PPP6R3: variants seen among roughly 807,000 people sequenced by gnomAD.
PPP6R3 encodes the protein serine/threonine-protein phosphatase 6 regulatory subunit 3.
Under a neutral mutation model 110.7 loss-of-function variants are expected in PPP6R3, and 38 were observed. That is an observed-to-expected ratio of 0.34 (90% CI 0.26 to 0.45). PPP6R3 has a LOEUF of 0.45. Ranked by LOEUF, PPP6R3 falls within the 20% of genes least tolerant of loss-of-function variation. The probability of loss-of-function intolerance (pLI) is 1.00; values close to 1 mark genes in which losing one functional copy is unlikely to be tolerated. For synonymous variants in PPP6R3, 369 were observed against 373.5 expected (o/e 0.99, Z 0.14); for missense variants, 870 against 1,062.4 (o/e 0.82, Z 2.52).
At chr11:68,573,851 A>G (rs1253684287) in intron 12 of PPP6R3, among the ~76,000 whole-genome samples, 1 of 152,146 alleles carries the variant, frequency 6.6e-6, no homozygotes, top group Admixed American at 6.5e-5. Flanking sequence ...ATGATTTTTG[A>G]GATTCGAATA....
chr11:68,494,408 C>CAAAAAA (rs35190764), intron 1 of PPP6R3, among the ~76,000 whole-genome samples: 1 of 60,382 alleles, frequency 1.7e-5, no homozygotes, highest in Non-Finnish European at 3.0e-5. Context: ...CCTGTAATCT[C>CAAAAAA]AAAAAAAAAA....
At chr11:68,601,425 A>C (rs941156205) in intron 20 of PPP6R3, among the ~76,000 whole-genome samples, 1 of 152,252 alleles carries the variant, frequency 6.6e-6, no homozygotes, top group Non-Finnish European at 1.5e-5. Context: ...TTCCAACAAC[A>C]AATATCATTA....
chr11:68,561,653 G>C (rs2099421788), intron 8 of PPP6R3, among the ~76,000 whole-genome samples: 1 of 152,172 alleles, frequency 6.6e-6, no homozygotes, highest in Non-Finnish European at 1.5e-5. Flanking sequence ...GATCACATCA[G>C]ATCAATGAAG....
intron 8 of PPP6R3, among the ~76,000 whole-genome samples, chr11:68,563,492 T>C (rs951943037): frequency 6.6e-6 from 1 of 152,230 alleles, no homozygotes; most frequent in Admixed American, 6.5e-5. Context: ...TAATTTCATC[T>C]TCAGAGATCT....
In PPP6R3 at chr11:68,544,880, C is replaced by T. The variant is rs774145183; in HGVS notation, c.270C>T (p.Ser90=). 5.6e-6 allele frequency: 9 copies of T among 1,608,064 alleles called. No individual in the cohort carries two copies. Among genetic ancestry groups the T allele is most frequent in the Non-Finnish European group, 7.7e-6 (9 of 1,174,724 alleles). Residue 90 remains serine (S), a synonymous_variant, in exon 4 of 24, where the codon TCC becomes TCT. Coordinates refer to ENST00000393800, the MANE Select transcript of PPP6R3 (RefSeq NM_001164161.2). ...ISCELLTSDV[S]QMNDRLGEDE... Reference sequence around the variant, plus strand: ...GTGAGTTGCTCACTTCTGATGTCTCCCAGATGAATGATAGACTGGGAGAAG... The same window carrying T: ...GTGAGTTGCTCACTTCTGATGTCTCTCAGATGAATGATAGACTGGGAGAAG...
chr11:68,570,629 G>A (rs970937704), intron 11 of PPP6R3, among the ~76,000 whole-genome samples: 34 of 152,318 alleles, frequency 2.2e-4, no homozygotes, highest in Non-Finnish European at 3.8e-4. Context: ...GAAGTAAGAC[G>A]TGCTCACATT....
intron 1 of PPP6R3, among the ~76,000 whole-genome samples, chr11:68,495,793 ATT>A (rs999006574): frequency 6.6e-6 from 1 of 152,192 alleles, no homozygotes; most frequent in African/African-American, 2.4e-5. Flanking sequence ...TGCTGTAGAC[ATT>A]TATGTACAAA....
intron 1 of PPP6R3, among the ~76,000 whole-genome samples, chr11:68,479,452 C>T (rs145015253): frequency 4.0e-3 from 608 of 152,274 alleles, no homozygotes; most frequent in Admixed American, 0.01. Flanking sequence ...GACGCTCAAC[C>T]TATACTTTTA....
chr11:68,487,066 C>T (rs1384340162), intron 1 of PPP6R3, among the ~76,000 whole-genome samples: 1 of 152,066 alleles, frequency 6.6e-6, no homozygotes, highest in Non-Finnish European at 1.5e-5. Context: ...TTCCTGTTTT[C>T]AGTTTCATTG....
intron 1 of PPP6R3, among the ~76,000 whole-genome samples, chr11:68,468,858 T>C (rs1323267246): frequency 6.6e-6 from 1 of 152,260 alleles, no homozygotes; most frequent in Non-Finnish European, 1.5e-5. Flanking sequence ...AAAACATCTT[T>C]TAAGTTTATT....
intron 19 of PPP6R3, among the ~76,000 whole-genome samples, chr11:68,596,783 C>G (rs1044787874): frequency 6.6e-6 from 1 of 152,184 alleles, no homozygotes; most frequent in African/African-American, 2.4e-5. Flanking sequence ...GTTTGGGAAA[C>G]AAACGTTCAT....
intron 1 of PPP6R3, among the ~76,000 whole-genome samples, chr11:68,506,414 C>CAAAAAAAAA (rs67739319): frequency 0.015 from 688 of 46,074 alleles, 100 homozygotes; most frequent in Non-Finnish European, 0.019. Context: ...CCTTTATACT[C>CAAAAAAAAA]AAAAAAAAAA....
intron 2 of PPP6R3, among the ~76,000 whole-genome samples, chr11:68,533,998 T>C (rs556512214): frequency 5.5e-4 from 83 of 152,286 alleles, no homozygotes; most frequent in African/African-American, 1.9e-3. Context: ...GTTCCATGTT[T>C]TGGTTCTGCC....
At chr11:68,577,825 T>C (rs916730395) in intron 14 of PPP6R3, among the ~76,000 whole-genome samples, 1 of 152,332 alleles carries the variant, frequency 6.6e-6, no homozygotes. Flanking sequence ...TCTTCTTTGC[T>C]TGCTCTGCTT....
chr11:68,499,680 C>G (rs1019102554), intron 1 of PPP6R3, among the ~76,000 whole-genome samples: 1 of 152,196 alleles, frequency 6.6e-6, no homozygotes, highest in South Asian at 2.1e-4. Flanking sequence ...GGGATCCCCC[C>G]ACTTCAGCCT....
intron 7 of PPP6R3, among the ~76,000 whole-genome samples, chr11:68,555,017 A>G (rs1489035331): frequency 1.3e-5 from 2 of 152,236 alleles, no homozygotes. Context: ...TTTTATTAAA[A>G]TAAAATGTAT....
At chr11:68,582,387 G>A (rs1472914949) in intron 14 of PPP6R3, among the ~76,000 whole-genome samples, 4 of 152,174 alleles carry the variant, frequency 2.6e-5, no homozygotes, top group African/African-American at 9.7e-5. Flanking sequence ...ATCACTTAAC[G>A]ATGAATTGGT....
intron 2 of PPP6R3, among the ~76,000 whole-genome samples, chr11:68,534,624 T>C (rs966114429): frequency 2.6e-5 from 4 of 152,224 alleles, no homozygotes; most frequent in Non-Finnish European, 4.4e-5. Context: ...TCTCACCTGA[T>C]TGGTGAACGT....
At chr11:68,567,219 A>T (rs2153752243) in intron 10 of PPP6R3, 53 bp downstream of exon 10, 9 of 1,463,072 alleles carry the variant, frequency 6.2e-6, no homozygotes, top group Non-Finnish European at 8.3e-6. Context: ...TATTTCATGG[A>T]TATTTAACCA....
Sources: gnomAD v4.1 joint callset for allele counts (sites outside exome capture counted in the v4.1 genomes callset) on GRCh38, gnomAD v4.1.1 for gene constraint, MANE v1.5 for transcripts, NCBI Gene and HGNC (gene_info 2026-07-23, HGNC 2026-07-21) for gene names.